EEPD1: variants seen among roughly 807,000 people sequenced by gnomAD.
The protein encoded by EEPD1 is endonuclease/exonuclease/phosphatase family domain containing 1.
A neutral mutation model predicts 46.3 loss-of-function variants in EEPD1; 17 were observed. That is an observed-to-expected ratio of 0.37 (90% confidence interval 0.25 to 0.55). The LOEUF is 0.55. Ranked by LOEUF, EEPD1 falls within the 20% of genes least tolerant of loss-of-function variation. The pLI is 0.83. For synonymous variants in EEPD1, 313 were observed against 315.6 expected (o/e 0.99, Z 0.09); for missense variants, 673 against 745.6 (o/e 0.90, Z 1.13).
rs567830994 is a variant in EEPD1, at chr7:36,195,852, T to C, written c.878+40650T>C. On this transcript the variant is annotated intron_variant, in intron 2 of 7. Transcript: ENST00000242108. ...ATAGATATTTCAAAACATTATGTTG[T>C]ATACCATAAATATATGTAGTCATGC... is the stretch of plus-strand genomic sequence containing the variant. Among the ~76,000 whole-genome samples the C allele has an allele frequency of 1.9e-4, 29 of 152,374 alleles. No homozygotes were observed. In the South Asian group the frequency reaches 6.0e-3, roughly 32 times the overall value.
At chr7:36,201,809 A>G (rs1785716434) in intron 2 of EEPD1, among the ~76,000 whole-genome samples, 1 of 152,132 alleles carries the variant, frequency 6.6e-6, no homozygotes, top group Non-Finnish European at 1.5e-5. Context: ...TAGAAATCTG[A>G]GATGAGAAAC....
chr7:36,269,863 G>A (rs1004802151), intron 3 of EEPD1, among the ~76,000 whole-genome samples: 2 of 152,108 alleles, frequency 1.3e-5, no homozygotes, highest in Non-Finnish European at 2.9e-5. Context: ...AAATCATTTC[G>A]AACATGAGAG....
Position 36,300,338 on chromosome 7 carries a change from A to G in EEPD1, c.*1132A>G, listed in dbSNP as rs900416627. ...GGAGGGATTTCCCTTAGGCAACACC[A>G]TCCCAGGGAGATCTGCCACAATTTG... On this transcript the variant is annotated 3_prime_UTR_variant, in exon 8 of 8. Transcript: ENST00000242108. The G allele has an allele frequency of 2.0e-5, 3 of 152,220 alleles. No individual in the cohort carries two copies. The highest frequency in any genetic ancestry group is 4.4e-5 in the Non-Finnish European group (3 of 68,058). 9.4% of individuals were successfully genotyped at this position (152,220 alleles called of 1,614,324 possible).
chr7:36,241,709 A>G (rs1396257921), intron 3 of EEPD1, among the ~76,000 whole-genome samples: 1 of 152,092 alleles, frequency 6.6e-6, no homozygotes, highest in Non-Finnish European at 1.5e-5. Context: ...TCTGCTAAAA[A>G]TACAAAACTT....
At chr7:36,268,784 C>T (rs1787061844) in intron 3 of EEPD1, among the ~76,000 whole-genome samples, 1 of 152,162 alleles carries the variant, frequency 6.6e-6, no homozygotes, top group Admixed American at 6.5e-5. Flanking sequence ...GCCTGTGCTA[C>T]CTGCTTTAGA....
intron 2 of EEPD1, among the ~76,000 whole-genome samples, chr7:36,190,406 C>G (rs1487583573): frequency 6.6e-6 from 1 of 152,196 alleles, no homozygotes; most frequent in Non-Finnish European, 1.5e-5. Context: ...GAGATACTAA[C>G]TATGGATTCC....
intron 2 of EEPD1, among the ~76,000 whole-genome samples, chr7:36,215,632 T>C (rs916733605): frequency 9.2e-5 from 14 of 152,230 alleles, no homozygotes; most frequent in African/African-American, 2.9e-4. Context: ...GCACCATGTG[T>C]TGGGGCCATT....
At chr7:36,165,586 A>AATTTATTTATTTATTTATTT (rs57475263) in intron 2 of EEPD1, among the ~76,000 whole-genome samples, 2,740 of 134,672 alleles carry the variant, frequency 0.02, 45 homozygotes, top group Admixed American at 0.022. Context: ...CGCCCCAGCT[A>AATTTATTTATTTATTTATTT]ATTTATTTAT....
intron 2 of EEPD1, among the ~76,000 whole-genome samples, chr7:36,211,789 G>C (rs1322490431): frequency 6.6e-6 from 1 of 152,068 alleles, no homozygotes; most frequent in South Asian, 2.1e-4. Flanking sequence ...GCCAGGCGTG[G>C]TGGCAAGCGC....
At chr7:36,189,610 T>C (rs1193816845) in intron 2 of EEPD1, among the ~76,000 whole-genome samples, 1 of 152,182 alleles carries the variant, frequency 6.6e-6, no homozygotes, top group Non-Finnish European at 1.5e-5. Flanking sequence ...AGAGCTCCAC[T>C]TGGTGTAGGT....
In EEPD1 at chr7:36,299,428, C is replaced by T. The variant is rs1022330261; in HGVS notation, c.*222C>T. ...ACCAGGTGGGCAAAGCAGAAACCTG[C>T]GGGGAGCGGAGACGCCTTTTATCTC... is the stretch of plus-strand genomic sequence containing the variant. On this transcript the variant is annotated 3_prime_UTR_variant, in exon 8 of 8. Transcript: ENST00000242108. The T allele has an allele frequency of 3.7e-5, 22 of 600,156 alleles. No homozygotes were observed. Among genetic ancestry groups the T allele is most frequent in the African/African-American group, 1.1e-4 (6 of 53,894 alleles). 37.2% of individuals were successfully genotyped at this position (600,156 alleles called of 1,614,324 possible).
At chr7:36,242,768 C>CAAAAAAAAAA (rs34909516) in intron 3 of EEPD1, among the ~76,000 whole-genome samples, 1 of 85,366 alleles carries the variant, frequency 1.2e-5, no homozygotes, top group Admixed American at 1.2e-4. Context: ...AATAAAAATA[C>CAAAAAAAAAA]AAAAAAAAAA....
At chr7:36,180,753 G>A (rs138453311) in intron 2 of EEPD1, among the ~76,000 whole-genome samples, 47 of 152,178 alleles carry the variant, frequency 3.1e-4, no homozygotes, top group African/African-American at 1.1e-3. Flanking sequence ...GACTGGTCGG[G>A]CTCCTTCCCT....
chr7:36,155,816 A>G (rs1195423951), intron 2 of EEPD1, among the ~76,000 whole-genome samples: 1 of 152,176 alleles, frequency 6.6e-6, no homozygotes, highest in African/African-American at 2.4e-5. Flanking sequence ...AAGCAAGCTG[A>G]CGTGTGTGTG....
intron 2 of EEPD1, among the ~76,000 whole-genome samples, chr7:36,168,806 T>G (rs112432777): frequency 2.3e-4 from 35 of 151,500 alleles, no homozygotes; most frequent in African/African-American, 8.5e-4. Context: ...TCCTAGCCTT[T>G]CTAGATCTAG....
At chr7:36,297,924 G>A (rs913386196) in intron 7 of EEPD1, among the ~76,000 whole-genome samples, 1 of 152,342 alleles carries the variant, frequency 6.6e-6, no homozygotes, top group East Asian at 1.9e-4. Flanking sequence ...CCCCACGGAT[G>A]CCTATTATAC....
At chr7:36,284,522 G>A (rs955485961) in intron 4 of EEPD1, among the ~76,000 whole-genome samples, 164 bp from the exon 5 acceptor site, 4 of 152,198 alleles carry the variant, frequency 2.6e-5, no homozygotes, top group Non-Finnish European at 4.4e-5. Flanking sequence ...GCTGGGGAAG[G>A]GCAAGGGAGA....
In EEPD1 at chr7:36,271,047, C is replaced by T. The variant is rs555507677; in HGVS notation, c.931-10068C>T. Among the ~76,000 whole-genome samples, 649 of 152,116 alleles carry T rather than the reference C, an allele frequency of 4.3e-3. 1 individual carries two copies. The highest frequency in any genetic ancestry group is 6.6e-3 in the Non-Finnish European group (449 of 67,986). ...TGTCACCCAGGCTGGAGTGCAGTGG[C>T]GCAATCTCAGCTCACTGCAACCTCT... is the stretch of plus-strand genomic sequence containing the variant. On this transcript the variant is annotated intron_variant, in intron 3 of 7. Coordinates refer to ENST00000242108, the MANE Select transcript of EEPD1 (RefSeq NM_030636.3).
At chr7:36,177,238 GTTT>G (rs11354084) in intron 2 of EEPD1, among the ~76,000 whole-genome samples, 1 of 149,814 alleles carries the variant, frequency 6.7e-6, no homozygotes, top group Non-Finnish European at 1.5e-5. Context: ...CTTACTTGAG[GTTT>G]TTTTTTTTTC....
Sources: gnomAD v4.1 joint callset for allele counts (sites outside exome capture counted in the v4.1 genomes callset) on GRCh38, gnomAD v4.1.1 for gene constraint, MANE v1.5 for transcripts, NCBI Gene and HGNC (gene_info 2026-07-23, HGNC 2026-07-21) for gene names.